The following SH3KBP1 variants were observed in gnomAD, a reference collection of about 807,000 sequenced individuals.
The protein encoded by SH3KBP1 is SH3 domain containing kinase binding protein 1.
In SH3KBP1, 8 loss-of-function variants were observed where a neutral mutation model predicts 50.1. The ratio of observed to expected loss-of-function variants is 0.16; its 90% CI spans 0.09 to 0.29. SH3KBP1 has a LOEUF of 0.29. Ranked by LOEUF, SH3KBP1 falls within the 10% of genes least tolerant of loss-of-function variation. The pLI, the probability that SH3KBP1 is intolerant of heterozygous loss-of-function variation, is 1.00. For synonymous variants in SH3KBP1, 227 were observed against 218.6 expected (o/e 1.04, Z -0.34); for missense variants, 377 against 535.2 (o/e 0.70, Z 2.92).
chrX:19,686,604 T>C (rs1421492362), intron 5 of SH3KBP1, among the ~76,000 whole-genome samples: 1 of 110,723 alleles, frequency 9.0e-6, no homozygotes, highest in Non-Finnish European at 1.9e-5. Context: ...CTAGGTGCTG[T>C]CAAAACTCCC....
At position 19,534,701 on chromosome X, in the gene SH3KBP1, A is replaced by C. The variant is rs2064666610; in HGVS notation, c.*1716T>G. ...TCCAGGGATGGGAATGGAGGGTATGAGGTTTCCTTCCTTATACACTCCCTT... is the reference window on the plus strand; with the variant it reads ...TCCAGGGATGGGAATGGAGGGTATGCGGTTTCCTTCCTTATACACTCCCTT... On this transcript the variant is annotated 3_prime_UTR_variant, in exon 18 of 18. Coordinates refer to ENST00000397821, the MANE Select transcript of SH3KBP1 (RefSeq NM_031892.3). 3.4e-6 allele frequency: 1 copy of C among 291,101 alleles called. No homozygotes were observed. The highest frequency in any genetic ancestry group is 6.0e-6 in the Non-Finnish European group (1 of 167,817). The allele number at this position is 291,101 out of a possible 1,213,427, so 24.0% of individuals were successfully genotyped here.
At position 19,654,352 on chromosome X, in the gene SH3KBP1, G is replaced by C. The variant is rs577759719; in HGVS notation, c.727-8877C>G. ...CTAAGATTTAGTAGGGCCTTCTCAT[G>C]ATGGGGAAATGCAGTGTCGAAGATG... On this transcript the variant is annotated intron_variant, in intron 6 of 17. Coordinates refer to ENST00000397821, the MANE Select transcript of SH3KBP1 (RefSeq NM_031892.3). Among the ~76,000 whole-genome samples the C allele has an allele frequency of 2.7e-4, 30 of 111,869 alleles. No individual in the cohort carries two copies. In the South Asian group the frequency reaches 0.01, roughly 38 times the overall value.
chrX:19,550,338 C>T (rs1228016346), intron 13 of SH3KBP1, among the ~76,000 whole-genome samples: 1 of 111,603 alleles, frequency 9.0e-6, no homozygotes. Flanking sequence ...CCTTCTACAG[C>T]TATATCCATA....
chrX:19,710,028 C>T (rs1417641213), intron 3 of SH3KBP1, among the ~76,000 whole-genome samples: 1 of 111,793 alleles, frequency 8.9e-6, no homozygotes, highest in African/African-American at 3.3e-5. Flanking sequence ...TGAGCCACCA[C>T]CTTCATGTCC....
chrX:19,549,709 A>G (rs1339983271), intron 14 of SH3KBP1, among the ~76,000 whole-genome samples: 1 of 112,155 alleles, frequency 8.9e-6, no homozygotes, highest in East Asian at 2.8e-4. Context: ...TAAAATAAGA[A>G]TCAGTCTGGA....
At chrX:19,561,327 G>A (rs947103281) in intron 13 of SH3KBP1, among the ~76,000 whole-genome samples, 3 of 110,609 alleles carry the variant, frequency 2.7e-5, no homozygotes, top group Non-Finnish European at 5.7e-5. Flanking sequence ...AACTTGATGA[G>A]CTATTTCTCA....
At chrX:19,824,626 C>G (rs2067621776) in intron 2 of SH3KBP1, among the ~76,000 whole-genome samples, 1 of 112,034 alleles carries the variant, frequency 8.9e-6, no homozygotes, top group Non-Finnish European at 1.9e-5. Flanking sequence ...AGATTTTGAT[C>G]TGGTAGAAAG....
In SH3KBP1 at chrX:19,620,655, T is replaced by A. The variant is rs1257780584; in HGVS notation, c.897+11209A>T. Among the ~76,000 whole-genome samples the A allele has an allele frequency of 2.7e-5, 3 of 111,670 alleles. No individual in the cohort carries two copies. The Admixed American group carries it at 2.9e-4, about 11-fold the overall frequency. On this transcript the variant is annotated intron_variant, in intron 8 of 17. Coordinates refer to ENST00000397821, the MANE Select transcript of SH3KBP1 (RefSeq NM_031892.3). ...CACGGGGCAAGGAAAGGCTCCAATG[T>A]GAAAGATCCATGAATTACAAGAGGT... is the stretch of plus-strand genomic sequence containing the variant.
intron 5 of SH3KBP1, among the ~76,000 whole-genome samples, chrX:19,692,825 G>A (rs2063330936): frequency 9.3e-6 from 1 of 107,748 alleles, no homozygotes; most frequent in African/African-American, 3.4e-5. Flanking sequence ...TGGGATTACA[G>A]GTATGTGCCA....
At chrX:19,613,205 C>T (rs761143046) in intron 8 of SH3KBP1, among the ~76,000 whole-genome samples, 2 of 112,303 alleles carry the variant, frequency 1.8e-5, no homozygotes, top group East Asian at 5.6e-4. Flanking sequence ...AGAGAGGTAA[C>T]GTGGCCCAAG....
At chrX:19,588,362 G>A in intron 12 of SH3KBP1, 3 of 1,085,290 alleles carry the variant, frequency 2.8e-6, no homozygotes, top group Non-Finnish European at 3.6e-6. Context: ...ATAAGGCCCA[G>A]GAAAAACCCC....
chrX:19,719,394 T>C (rs919212245), intron 3 of SH3KBP1, among the ~76,000 whole-genome samples: 2 of 111,557 alleles, frequency 1.8e-5, no homozygotes, highest in Non-Finnish European at 3.8e-5. Flanking sequence ...AAAACTGTCT[T>C]AAATTTGGGC....
chrX:19,887,294 G>A lies in SH3KBP1; in HGVS notation c.4+13C>T. 1.0e-6 allele frequency: 1 copy of A among 975,548 alleles called. No homozygotes were observed. Among genetic ancestry groups the A allele is most frequent in the Non-Finnish European group, 1.3e-6 (1 of 775,738 alleles). The allele number at this position is 975,548 out of a possible 1,213,427, so 80.4% of individuals were successfully genotyped here. On this transcript the variant is annotated intron_variant, in intron 1 of 17. Transcript: ENST00000397821. ...CTGAAGTGGACGCCCGGACGCGGGC[G>A]GCCCCCACTCACCCATTGGCGTCGA... is the stretch of plus-strand genomic sequence containing the variant.
intron 9 of SH3KBP1, among the ~76,000 whole-genome samples, chrX:19,597,717 C>T (rs2066949283): frequency 8.9e-6 from 1 of 112,420 alleles, no homozygotes; most frequent in Admixed American, 9.4e-5. Context: ...CCGTGTCTGG[C>T]AGCATAATTC....
Position 19,863,021 on chromosome X carries a change from C to A in SH3KBP1, c.4+24286G>T, listed in dbSNP as rs190723116. Reference sequence around the variant, plus strand: ...CAGTCTGCCCCCTTCAGAGAAGAGGCCCAGGACTGTCAGGGGCCATTGTCA... The same window carrying A: ...CAGTCTGCCCCCTTCAGAGAAGAGGACCAGGACTGTCAGGGGCCATTGTCA... On this transcript the variant is annotated intron_variant, in intron 1 of 17. Transcript: ENST00000397821. 8.6e-3 allele frequency among the ~76,000 whole-genome samples: 966 copies of A among 111,991 alleles called. 15 individuals carry two copies. Among genetic ancestry groups the A allele is most frequent in the African/African-American group, 0.03 (913 of 30,797 alleles).
intron 5 of SH3KBP1, among the ~76,000 whole-genome samples, chrX:19,689,360 T>A (rs1172835696): frequency 8.9e-6 from 1 of 111,877 alleles, no homozygotes; most frequent in East Asian, 2.8e-4. Context: ...ACAACAGCAG[T>A]CCTCTCAAGT....
intron 2 of SH3KBP1, among the ~76,000 whole-genome samples, chrX:19,777,855 A>G (rs1447528372): frequency 9.0e-6 from 1 of 111,542 alleles, no homozygotes; most frequent in African/African-American, 3.3e-5. Flanking sequence ...ACTAGAAGGC[A>G]TGGGGTGGGG....
chrX:19,685,692 T>C (rs1221798153), intron 5 of SH3KBP1, among the ~76,000 whole-genome samples: 3 of 112,033 alleles, frequency 2.7e-5, no homozygotes, highest in African/African-American at 9.7e-5. Context: ...AGTCTAAATA[T>C]TGTGTCATTT....
chrX:19,737,348 G>A (rs953790497), intron 3 of SH3KBP1, among the ~76,000 whole-genome samples: 1 of 111,320 alleles, frequency 9.0e-6, no homozygotes, highest in Non-Finnish European at 1.9e-5. Flanking sequence ...CTCCATGTTC[G>A]TTCGCCTGGG....
Sources: allele counts gnomAD v4.1 joint callset (sites outside exome capture counted in the v4.1 genomes callset), GRCh38; gene constraint gnomAD v4.1.1; transcripts MANE v1.5; gene names NCBI Gene and HGNC (gene_info 2026-07-23, HGNC 2026-07-21).